Variants in EYS observed in about 807,000 individuals in gnomAD.
EYS encodes the protein EGF-like photoreceptor maintenance factor, also known as protein eyes shut homolog.
EYS carries 250 observed loss-of-function variants against 282.1 expected under a neutral mutation model. The ratio of observed to expected loss-of-function variants is 0.89; its 90% CI spans 0.80 to 0.98. The LOEUF (loss-of-function observed/expected upper bound fraction) is 0.98, where lower values mean the gene tolerates loss of function less well. EYS is among the 50% of genes least tolerant of loss of function. The pLI is 0.00. For synonymous variants in EYS, 1,355 were observed against 1,282.9 expected, an observed-to-expected ratio of 1.06 and a Z score of -1.20; for missense variants, 4,016 against 3,709.0, an observed-to-expected ratio of 1.08 and a Z score of -2.15.
intron 29 of EYS, among the ~76,000 whole-genome samples, chr6:64,341,679 A>T (rs990072159): frequency 3.3e-5 from 5 of 151,632 alleles, no homozygotes; most frequent in Non-Finnish European, 7.4e-5. Context: ...AAAAGCTGAA[A>T]TTTTTTAAAA....
intron 5 of EYS, among the ~76,000 whole-genome samples, chr6:65,455,940 T>G (rs926632684): frequency 7.5e-6 from 1 of 134,138 alleles, no homozygotes; most frequent in Non-Finnish European, 1.5e-5. Context: ...CGGACAAGGA[T>G]GCAGGAAAGA....
intron 22 of EYS, among the ~76,000 whole-genome samples, chr6:64,764,904 A>G (rs567536501): frequency 6.6e-6 from 1 of 152,136 alleles, no homozygotes; most frequent in Non-Finnish European, 1.5e-5. Context: ...ATGCCCAGCT[A>G]ATTTTATATT....
At chr6:64,236,269 G>A (rs1471476164) in intron 30 of EYS, among the ~76,000 whole-genome samples, 3 of 152,044 alleles carry the variant, frequency 2.0e-5, no homozygotes, top group Non-Finnish European at 4.4e-5. Context: ...AACCGTACCT[G>A]GCCCCTTTAT....
chr6:65,506,205 A>G (rs1766647400), intron 2 of EYS, among the ~76,000 whole-genome samples: 1 of 151,984 alleles, frequency 6.6e-6, no homozygotes. Flanking sequence ...CTTTTAACCT[A>G]CCTGAGTCTT....
intron 29 of EYS, among the ~76,000 whole-genome samples, chr6:64,343,493 T>C (rs897596123): frequency 3.3e-5 from 5 of 152,020 alleles, no homozygotes; most frequent in Admixed American, 2.0e-4. Context: ...GAAATAAAGA[T>C]GTTCTTTGAA....
intron 1 of EYS, 133 bp downstream of exon 1, chr6:65,707,002 T>C (rs78321112): frequency 6.6e-6 from 1 of 152,254 alleles, no homozygotes; most frequent in African/African-American, 2.4e-5. Flanking sequence ...GTTTTATATA[T>C]AATAAGTAAA....
chr6:63,848,226 T>C (rs904349533), intron 36 of EYS, among the ~76,000 whole-genome samples: 4 of 152,176 alleles, frequency 2.6e-5, no homozygotes, highest in Non-Finnish European at 4.4e-5. Context: ...GTCACTCTTC[T>C]GCATCCATAG....
At chr6:65,543,674 G>T (rs1726885357) in intron 2 of EYS, among the ~76,000 whole-genome samples, 2 of 151,978 alleles carry the variant, frequency 1.3e-5, no homozygotes, top group African/African-American at 4.8e-5. Context: ...ACCATAGTCA[G>T]CACTGATTGC....
chr6:63,768,761 C>A (rs771713331), intron 40 of EYS, among the ~76,000 whole-genome samples: 35 of 152,056 alleles, frequency 2.3e-4, no homozygotes, highest in Admixed American at 4.6e-4. Flanking sequence ...ATCAAAAAGA[C>A]ATATGCATTT....
chr6:64,378,165 TAACA>T (rs1772626963), intron 29 of EYS, among the ~76,000 whole-genome samples: 2 of 151,034 alleles, frequency 1.3e-5, no homozygotes, highest in African/African-American at 4.9e-5. Context: ...GAGGAATGGT[TAACA>T]GACAACATCA....
intron 30 of EYS, among the ~76,000 whole-genome samples, chr6:64,250,750 T>C (rs1392297929): frequency 6.6e-6 from 1 of 152,172 alleles, no homozygotes; most frequent in Non-Finnish European, 1.5e-5. Context: ...TAAAATTCTG[T>C]TGTATTAGAA....
intron 13 of EYS, among the ~76,000 whole-genome samples, chr6:65,024,492 C>T (rs1320749658): frequency 6.6e-6 from 1 of 152,164 alleles, no homozygotes; most frequent in African/African-American, 2.4e-5. Context: ...CATTACAGGG[C>T]TGAGTGTTCT....
intron 22 of EYS, among the ~76,000 whole-genome samples, chr6:64,640,891 G>A (rs932244157): frequency 2.2e-4 from 33 of 152,236 alleles, no homozygotes; most frequent in Middle Eastern, 3.4e-3. Flanking sequence ...ACGAAGCTCA[G>A]AATCTAAGGT....
At position 64,945,855 on chromosome 6, in the gene EYS, A is replaced by G. The variant is rs1452209512; in HGVS notation, c.2319T>C (p.Asn773=). Residue 773 remains asparagine, a synonymous_variant, in exon 15 of 43, where the codon AAT becomes AAC. Coordinates refer to ENST00000503581, the MANE Select transcript of EYS (RefSeq NM_001142800.2). ...WEGNFCEQES[N]ECKMNPCKNN... ...TCTTGCAAGGATTCATTTTACACTC[A>G]TTGGATTCTTGTTCACAAAAATTTC... 3 of 1,549,568 alleles carry G rather than the reference A, an allele frequency of 1.9e-6. No individual in the cohort carries two copies. In the Admixed American group the frequency reaches 5.9e-5, roughly 30 times the overall value.
At chr6:65,617,787 G>A (rs1766264566) in intron 2 of EYS, among the ~76,000 whole-genome samples, 2 of 148,416 alleles carry the variant, frequency 1.3e-5, no homozygotes, top group Admixed American at 6.9e-5. Context: ...CCACCAATGA[G>A]TGAGAATATG....
chr6:63,833,136 A>T (rs944265306), intron 36 of EYS, among the ~76,000 whole-genome samples: 1 of 152,230 alleles, frequency 6.6e-6, no homozygotes, highest in African/African-American at 2.4e-5. Flanking sequence ...AACTGGAAGC[A>T]TTCCATATGA....
chr6:64,946,058 C>T (rs964877614), intron 14 of EYS, 144 bp from the exon 15 acceptor site: 2 of 581,068 alleles, frequency 3.4e-6, no homozygotes, highest in African/African-American at 1.9e-5. Flanking sequence ...CCCCAAATGA[C>T]TTTTACCACA....
intron 33 of EYS, among the ~76,000 whole-genome samples, chr6:64,021,747 C>T (rs1769203758): frequency 6.6e-6 from 1 of 152,162 alleles, no homozygotes; most frequent in Non-Finnish European, 1.5e-5. Flanking sequence ...CCTCCCACCC[C>T]ATCCCTGTTT....
intron 31 of EYS, among the ~76,000 whole-genome samples, chr6:64,168,183 C>T (rs1012105451): frequency 1.3e-5 from 2 of 152,156 alleles, no homozygotes; most frequent in African/African-American, 4.8e-5. Flanking sequence ...ATGGCGTGAA[C>T]CCGGGAGGGG....
Sources: gnomAD v4.1 joint callset for allele counts (sites outside exome capture counted in the v4.1 genomes callset) on GRCh38, gnomAD v4.1.1 for gene constraint, MANE v1.5 for transcripts, NCBI Gene and HGNC (gene_info 2026-07-23, HGNC 2026-07-21) for gene names.